The following MACROD2 variants were observed in gnomAD, a reference collection of about 807,000 sequenced individuals.
MACROD2 encodes the protein ADP-ribose glycohydrolase MACROD2.
A neutral mutation model predicts 70.4 loss-of-function variants in MACROD2; 36 were observed. The ratio of observed to expected loss-of-function variants is 0.51; its 90% CI spans 0.39 to 0.68. The LOEUF is 0.68. MACROD2 is among the 30% of genes least tolerant of loss of function. The pLI is 0.00. For synonymous variants in MACROD2, 172 were observed against 178.8 expected (o/e 0.96, Z 0.30); for missense variants, 496 against 538.4 (o/e 0.92, Z 0.78).
chr20:15,137,664 C>G (rs903755424), intron 5 of MACROD2, among the ~76,000 whole-genome samples: 2 of 151,200 alleles, frequency 1.3e-5, no homozygotes, highest in African/African-American at 4.9e-5. Context: ...ACATATGTAA[C>G]TAACCTGCAC....
At chr20:15,966,657 G>A (rs1357423300) in intron 12 of MACROD2, among the ~76,000 whole-genome samples, 2 of 152,184 alleles carry the variant, frequency 1.3e-5, no homozygotes, top group African/African-American at 4.8e-5. Flanking sequence ...CAGGAGGATC[G>A]CTTGAGCCCA....
intron 7 of MACROD2, among the ~76,000 whole-genome samples, chr20:15,452,459 G>A (rs188749732): frequency 2.6e-4 from 39 of 152,218 alleles, no homozygotes; most frequent in African/African-American, 7.7e-4. Flanking sequence ...ATTTTGAAAC[G>A]CTTGGTCTTT....
At chr20:16,036,288 G>GTC (rs33956740) in intron 15 of MACROD2, among the ~76,000 whole-genome samples, 2 of 34,402 alleles carry the variant, frequency 5.8e-5, no homozygotes, top group South Asian at 1.3e-3. Context: ...CTCCTCCCCC[G>GTC]GCCAGCATCT....
chr20:15,756,682 A>C (rs1465326779), intron 8 of MACROD2, among the ~76,000 whole-genome samples: 1 of 152,212 alleles, frequency 6.6e-6, no homozygotes. Flanking sequence ...TTGCACACAA[A>C]AATGCTTTTA....
chr20:15,938,995 C>T (rs562828649), intron 12 of MACROD2, among the ~76,000 whole-genome samples: 1 of 152,330 alleles, frequency 6.6e-6, no homozygotes, highest in South Asian at 2.1e-4. Flanking sequence ...TACTAGCCCT[C>T]TTCAATTCTA....
chr20:14,002,316 G>C lies in MACROD2; in HGVS notation c.75G>C (p.Glu25Asp). Residue 25 changes from glutamate to aspartate, a missense_variant, in exon 2 of 18, where the codon GAG (glutamate) becomes GAC (aspartate). Glu to Asp is a conservative substitution (Grantham distance 45). Coordinates refer to ENST00000684519, the MANE Select transcript of MACROD2 (RefSeq NM_001351661.2). ...KERLLKMTLE[E>D]RRKEYLRDYI... Reference sequence around the variant, plus strand: ...GTTTATTGAAGATGACCTTAGAAGAGAGACGCAAAGAATACCTAAGAGACT... The same window carrying C: ...GTTTATTGAAGATGACCTTAGAAGACAGACGCAAAGAATACCTAAGAGACT... 6.2e-7 allele frequency: 1 copy of C among 1,607,824 alleles called. No individual in the cohort carries two copies. The highest frequency in any genetic ancestry group is 8.5e-7 in the Non-Finnish European group (1 of 1,177,676).
At chr20:16,016,126 A>G (rs542656541) in intron 15 of MACROD2, among the ~76,000 whole-genome samples, 59 of 152,278 alleles carry the variant, frequency 3.9e-4, no homozygotes, top group African/African-American at 1.3e-3. Flanking sequence ...TTTTCTCTCA[A>G]GTACTTGCCT....
chr20:14,110,077 CA>C (rs2054428145), intron 3 of MACROD2, among the ~76,000 whole-genome samples: 1 of 151,836 alleles, frequency 6.6e-6, no homozygotes. Context: ...TCAACACATG[CA>C]AATCAATCAG....
intron 3 of MACROD2, among the ~76,000 whole-genome samples, chr20:14,433,011 CATT>C (rs1303444407): frequency 2.0e-5 from 3 of 152,006 alleles, no homozygotes; most frequent in Non-Finnish European, 4.4e-5. Context: ...ATAGAACTGT[CATT>C]ATGTGTCTGC....
intron 10 of MACROD2, among the ~76,000 whole-genome samples, chr20:15,898,265 A>C (rs949117667): frequency 5.3e-5 from 8 of 152,066 alleles, no homozygotes; most frequent in Non-Finnish European, 1.0e-4. Context: ...ATCTGCATCC[A>C]TCAGCTTCAC....
At chr20:15,409,083 A>G (rs1488943134) in intron 6 of MACROD2, among the ~76,000 whole-genome samples, 2 of 152,208 alleles carry the variant, frequency 1.3e-5, no homozygotes, top group Non-Finnish European at 2.9e-5. Context: ...TATTATTAGA[A>G]AGCTCCCATG....
chr20:14,389,036 C>A (rs185348731), intron 3 of MACROD2, among the ~76,000 whole-genome samples: 6 of 152,016 alleles, frequency 3.9e-5, no homozygotes, highest in African/African-American at 1.4e-4. Context: ...CTCCACCATA[C>A]CCAGCTAATT....
chr20:14,983,637 T>A (rs1322803853), intron 5 of MACROD2, among the ~76,000 whole-genome samples: 3 of 152,182 alleles, frequency 2.0e-5, no homozygotes, highest in Admixed American at 6.5e-5. Context: ...GCCTTTCACC[T>A]TCCACCATGA....
At chr20:15,192,190 C>T (rs183129735) in intron 5 of MACROD2, among the ~76,000 whole-genome samples, 2 of 152,198 alleles carry the variant, frequency 1.3e-5, no homozygotes, top group East Asian at 3.9e-4. Flanking sequence ...TGTCTTCACT[C>T]CTTCCTCTCC....
intron 5 of MACROD2, among the ~76,000 whole-genome samples, chr20:15,084,364 G>C (rs540692256): frequency 2.6e-5 from 4 of 151,720 alleles, no homozygotes; most frequent in Non-Finnish European, 4.4e-5. Flanking sequence ...CACCACACCC[G>C]GCCAACTAGT....
chr20:15,311,409 T>C (rs1039306729), intron 6 of MACROD2, among the ~76,000 whole-genome samples: 12 of 152,192 alleles, frequency 7.9e-5, no homozygotes, highest in Admixed American at 6.5e-5. Context: ...GAGCTACCAT[T>C]TGACCCAGCA....
At chr20:15,493,486 A>G (rs1425844127) in intron 7 of MACROD2, among the ~76,000 whole-genome samples, 1 of 152,344 alleles carries the variant, frequency 6.6e-6, no homozygotes, top group African/African-American at 2.4e-5. Flanking sequence ...AACAAAAGCT[A>G]ATCTGTTGCT....
intron 6 of MACROD2, among the ~76,000 whole-genome samples, chr20:15,324,865 C>T (rs755258089): frequency 1.3e-5 from 2 of 152,156 alleles, no homozygotes; most frequent in Admixed American, 6.6e-5. Flanking sequence ...TCTTATTACA[C>T]TCTGAAAATC....
chr20:14,574,959 C>G (rs1422425231), intron 4 of MACROD2, among the ~76,000 whole-genome samples: 1 of 138,510 alleles, frequency 7.2e-6, no homozygotes, highest in Admixed American at 7.6e-5. Flanking sequence ...TGCAGTGAGC[C>G]GAGATTGCGC....
Sources: allele counts gnomAD v4.1 joint callset (sites outside exome capture counted in the v4.1 genomes callset), GRCh38; gene constraint gnomAD v4.1.1; transcripts MANE v1.5; gene names NCBI Gene and HGNC (gene_info 2026-07-23, HGNC 2026-07-21).